The following CDC16 variants were observed in gnomAD, a reference collection of about 807,000 sequenced individuals.
CDC16 encodes cell division cycle 16, also known as cell division cycle protein 16 homolog.
Under a neutral mutation model 87.0 loss-of-function variants are expected in CDC16, and 34 were observed. The observed-to-expected ratio is 0.39, with a 90% confidence interval of 0.30 to 0.52. CDC16 has a LOEUF of 0.52. Ranked by LOEUF, CDC16 falls within the 20% of genes least tolerant of loss-of-function variation. CDC16 has a pLI of 0.74. For missense variants in CDC16, 653 were observed against 751.9 expected, an observed-to-expected ratio of 0.87 and a Z score of 1.54; for synonymous variants, 263 against 260.6, an observed-to-expected ratio of 1.01 and a Z score of -0.09.
intron 11 of CDC16, among the ~76,000 whole-genome samples, chr13:114,248,966 C>A (rs550285396): frequency 6.6e-6 from 1 of 151,898 alleles, no homozygotes; most frequent in African/African-American, 2.4e-5. Flanking sequence ...AGAAGCCCCC[C>A]CTCCCAGGGT....
At position 114,247,030 on chromosome 13, in the gene CDC16, A is replaced by G. The variant is rs1173430414; in HGVS notation, c.971+26A>G. Reference sequence around the variant, plus strand: ...GTATGAATTTATTTTTTTCCTCTCTAGTTAACCTGTAGAATTGATGTCTTG... The same window carrying G: ...GTATGAATTTATTTTTTTCCTCTCTGGTTAACCTGTAGAATTGATGTCTTG... On this transcript the variant is annotated intron_variant, in intron 11 of 17. Transcript: ENST00000356221. The G allele has an allele frequency of 2.1e-6, 3 of 1,442,766 alleles. No individual in the cohort carries two copies. In the South Asian group the frequency reaches 3.4e-5, roughly 16 times the overall value. 89.4% of individuals were successfully genotyped at this position (1,442,766 alleles called of 1,614,324 possible). A position where few individuals can be genotyped will look rare whatever the true frequency, so the allele number is the denominator to read the frequency against.
chr13:114,238,120 C>T (rs1362521840), intron 3 of CDC16, among the ~76,000 whole-genome samples: 1 of 151,944 alleles, frequency 6.6e-6, no homozygotes, highest in Non-Finnish European at 1.5e-5. Context: ...CTGCGATCTC[C>T]TTGGACGCCC....
intron 11 of CDC16, among the ~76,000 whole-genome samples, chr13:114,247,611 C>G (rs1269089766): frequency 2.6e-5 from 4 of 152,116 alleles, no homozygotes; most frequent in African/African-American, 9.7e-5. Flanking sequence ...GGCATGGTGG[C>G]TCACACCTGT....
chr13:114,235,180 T>G, intron 1 of CDC16, 48 bp downstream of exon 1: 1 of 1,199,452 alleles, frequency 8.3e-7, no homozygotes, highest in Non-Finnish European at 1.0e-6. Context: ...CGCCGGGTCT[T>G]TTTCCGCGCG....
At chr13:114,238,196 T>C in intron 3 of CDC16, among the ~76,000 whole-genome samples, 1 of 148,728 alleles carries the variant, frequency 6.7e-6, no homozygotes, top group Non-Finnish European at 1.5e-5. Context: ...CCAGCAGTTA[T>C]TCACACTGAG....
At chr13:114,246,785 T>C in intron 10 of CDC16, 146 bp from the exon 11 acceptor site, 1 of 634,584 alleles carries the variant, frequency 1.6e-6, no homozygotes, top group Non-Finnish European at 2.9e-6. Flanking sequence ...TGGACCTTAG[T>C]AGACTGTATT....
chr13:114,249,504 A>C (rs1216764229), intron 11 of CDC16, among the ~76,000 whole-genome samples: 1 of 152,134 alleles, frequency 6.6e-6, no homozygotes, highest in Non-Finnish European at 1.5e-5. Flanking sequence ...CATTTGGATA[A>C]AAGAAAACTT....
intron 10 of CDC16, among the ~76,000 whole-genome samples, chr13:114,246,613 C>G (rs773881849): frequency 6.6e-6 from 1 of 152,122 alleles, no homozygotes; most frequent in Non-Finnish European, 1.5e-5. Context: ...AGTCAGAACT[C>G]GGACAGAGAG....
chr13:114,253,806 C>T (rs2082340820), intron 12 of CDC16, among the ~76,000 whole-genome samples: 1 of 152,054 alleles, frequency 6.6e-6, no homozygotes, highest in Non-Finnish European at 1.5e-5. Context: ...ATACCTGTTA[C>T]ATCTGATTTT....
chr13:114,235,680 T>C (rs985958869), intron 1 of CDC16, among the ~76,000 whole-genome samples: 2 of 152,146 alleles, frequency 1.3e-5, no homozygotes, highest in Non-Finnish European at 2.9e-5. Context: ...GTTTTATCTA[T>C]ATTGTTGTTT....
chr13:114,243,909 G>A lies in CDC16; in HGVS notation c.687G>A (p.Glu229=), dbSNP rs17291173. ...VIPESVDGLQ[E]NLDVVVSLAE... ...CTGAATCTGTAGATGGCTTGCAAGA[G>A]AATCTGGATGTGGTAGTGTCTTTAG... Residue 229 remains glutamate, a synonymous_variant, in exon 8 of 18, where the codon GAG becomes GAA. Transcript: ENST00000356221. 7.4e-3 allele frequency: 11,876 copies of A among 1,606,128 alleles called. 850 individuals are homozygous for A. The Admixed American group carries it at 0.14, about 19-fold the overall frequency.
chr13:114,259,231 A>G, intron 13 of CDC16, 104 bp from the exon 14 acceptor site: 1 of 634,926 alleles, frequency 1.6e-6, no homozygotes, highest in Non-Finnish European at 2.7e-6. Flanking sequence ...CCAGCAGTTT[A>G]CCCCATTGCA....
At chr13:114,237,022 T>G (rs879811871) in intron 3 of CDC16, 126 bp downstream of exon 3, 27 of 539,044 alleles carry the variant, frequency 5.0e-5, no homozygotes, top group Non-Finnish European at 6.0e-5. Flanking sequence ...GATCATGAGG[T>G]CAGGAGCTCA....
intron 11 of CDC16, among the ~76,000 whole-genome samples, chr13:114,247,739 T>C (rs986095349): frequency 2.6e-5 from 4 of 151,982 alleles, no homozygotes; most frequent in African/African-American, 4.8e-5. Flanking sequence ...TAGCCAGATA[T>C]AGTAGTGGGC....
intron 4 of CDC16, 47 bp from the exon 5 acceptor site, chr13:114,239,303 G>A (rs373559523): frequency 7.7e-6 from 12 of 1,562,358 alleles, no homozygotes; most frequent in African/African-American, 2.7e-5. Flanking sequence ...CATGTGTTTC[G>A]TGTTAGAAGT....
At chr13:114,239,183 A>G (rs927280723) in intron 4 of CDC16, 155 bp downstream of exon 4, 37 of 1,408,398 alleles carry the variant, frequency 2.6e-5, no homozygotes, top group African/African-American at 8.6e-5. Flanking sequence ...TTGCTATAAA[A>G]TACTGATTCT....
chr13:114,270,094 C>T (rs751840864), intron 17 of CDC16, among the ~76,000 whole-genome samples: 17 of 152,280 alleles, frequency 1.1e-4, no homozygotes, highest in Non-Finnish European at 1.2e-4. Flanking sequence ...TCTCGCATTG[C>T]TGTAAAGAAA....
chr13:114,247,115 GTTTT>G, intron 11 of CDC16, 111 bp downstream of exon 11: 1 of 547,900 alleles, frequency 1.8e-6, no homozygotes, highest in East Asian at 3.5e-5. Context: ...AAGAATAAAT[GTTTT>G]TTTTTTTCTT....
intron 13 of CDC16, among the ~76,000 whole-genome samples, chr13:114,257,536 T>G (rs1316157232): frequency 6.6e-6 from 1 of 152,188 alleles, no homozygotes; most frequent in African/African-American, 2.4e-5. Context: ...TAGTTATCTC[T>G]GTGTTGATAA....
Sources: gnomAD v4.1 joint callset for allele counts (sites outside exome capture counted in the v4.1 genomes callset) on GRCh38, gnomAD v4.1.1 for gene constraint, MANE v1.5 for transcripts, NCBI Gene and HGNC (gene_info 2026-07-23, HGNC 2026-07-21) for gene names.